Variants in UBXN7 observed in about 807,000 individuals in gnomAD.
The protein encoded by UBXN7 is UBX domain protein 7, also known as UBX domain-containing protein 7.
In UBXN7, 9 loss-of-function variants were observed where a neutral mutation model predicts 58.0. That is an observed-to-expected ratio of 0.16 (90% CI 0.09 to 0.27). UBXN7 has a LOEUF of 0.27. Among genes scored for constraint, UBXN7 ranks in the 10% least tolerant of loss-of-function variants. The pLI is 1.00. For missense variants in UBXN7, 328 were observed against 599.6 expected, an observed-to-expected ratio of 0.55 and a Z score of 4.73; for synonymous variants, 208 against 205.0, an observed-to-expected ratio of 1.01 and a Z score of -0.12.
At chr3:196,387,997 T>G (rs1433196200) in intron 5 of UBXN7, among the ~76,000 whole-genome samples, 2 of 152,102 alleles carry the variant, frequency 1.3e-5, no homozygotes, top group Non-Finnish European at 2.9e-5. Context: ...TGCACACGTA[T>G]GTTTATTGCA....
At chr3:196,372,487 G>A (rs1031573282) in intron 5 of UBXN7, among the ~76,000 whole-genome samples, 7 of 151,706 alleles carry the variant, frequency 4.6e-5, no homozygotes, top group African/African-American at 1.7e-4. Context: ...GATTAAAGGC[G>A]TGCCCCAACA....
At chr3:196,423,812 A>G (rs1730761223) in intron 1 of UBXN7, among the ~76,000 whole-genome samples, 1 of 152,146 alleles carries the variant, frequency 6.6e-6, no homozygotes, top group African/African-American at 2.4e-5. Flanking sequence ...GAAGAGAGCC[A>G]TCTTGAAGCT....
At chr3:196,366,961 T>A (rs546903393) in intron 8 of UBXN7, among the ~76,000 whole-genome samples, 1 of 152,060 alleles carries the variant, frequency 6.6e-6, no homozygotes, top group Non-Finnish European at 1.5e-5. Context: ...GAAGGGCGGA[T>A]CACTTGAAGT....
intron 1 of UBXN7, among the ~76,000 whole-genome samples, chr3:196,427,878 G>A (rs535463174): frequency 3.3e-5 from 5 of 152,302 alleles, no homozygotes; most frequent in Admixed American, 2.6e-4. Context: ...CATAATACCA[G>A]CACTTTGGGA....
At chr3:196,410,831 A>C (rs1277689027) in intron 1 of UBXN7, among the ~76,000 whole-genome samples, 1 of 152,076 alleles carries the variant, frequency 6.6e-6, no homozygotes, top group Non-Finnish European at 1.5e-5. Flanking sequence ...CAAAAAAAAA[A>C]AAAATCCCTT....
At chr3:196,421,351 C>G (rs1730677100) in intron 1 of UBXN7, among the ~76,000 whole-genome samples, 1 of 152,210 alleles carries the variant, frequency 6.6e-6, no homozygotes, top group African/African-American at 2.4e-5. Flanking sequence ...GACCAGCTAT[C>G]TCTTACTAGT....
chr3:196,373,471 T>C (rs1728901269), intron 5 of UBXN7, among the ~76,000 whole-genome samples: 1 of 152,176 alleles, frequency 6.6e-6, no homozygotes, highest in Non-Finnish European at 1.5e-5. Context: ...GAAAGAACAG[T>C]GACACGAAAC....
intron 5 of UBXN7, among the ~76,000 whole-genome samples, chr3:196,372,900 C>T (rs1728884973): frequency 6.6e-6 from 1 of 151,814 alleles, no homozygotes; most frequent in Non-Finnish European, 1.5e-5. Flanking sequence ...TGTGTGCCAC[C>T]ATGCCTGACT....
At chr3:196,363,239 CATACATACATAA>C (rs377520199) in intron 8 of UBXN7, among the ~76,000 whole-genome samples, 7,700 of 134,352 alleles carry the variant, frequency 0.057, 225 homozygotes, top group African/African-American at 0.071. Context: ...TACATACATA[CATACATACATAA>C]ATATATATAT....
chr3:196,410,730 G>A (rs1214619092), intron 1 of UBXN7, among the ~76,000 whole-genome samples: 2 of 151,952 alleles, frequency 1.3e-5, no homozygotes, highest in African/African-American at 4.8e-5. Context: ...GCTGAGGCAG[G>A]AGAATCTCTT....
In UBXN7 at chr3:196,350,720, A is replaced by T. The variant is rs1351991254; in HGVS notation, c.*5965T>A. ...CACAGGTGAGTCAAAAACCATAACC[A>T]TCACTGAAATACCAAATCTCTATGT... On this transcript the variant is annotated 3_prime_UTR_variant, in exon 11 of 11. Coordinates refer to ENST00000296328, the MANE Select transcript of UBXN7 (RefSeq NM_015562.2). 6.6e-6 allele frequency: 1 copy of T among 152,230 alleles called. No individual in the cohort carries two copies. Among genetic ancestry groups the T allele is most frequent in the Non-Finnish European group, 1.5e-5 (1 of 68,040 alleles). 9.4% of individuals were successfully genotyped at this position (152,230 alleles called of 1,614,324 possible). A position where few individuals can be genotyped will look rare whatever the true frequency, so the allele number is the denominator to read the frequency against.
chr3:196,382,766 T>C (rs547610753), intron 5 of UBXN7, among the ~76,000 whole-genome samples: 182 of 152,128 alleles, frequency 1.2e-3, no homozygotes, highest in African/African-American at 3.8e-3. Context: ...AAGACACACA[T>C]AGGCTCAAAA....
intron 5 of UBXN7, among the ~76,000 whole-genome samples, chr3:196,385,025 C>T (rs2108841328): frequency 6.6e-6 from 1 of 152,282 alleles, no homozygotes; most frequent in East Asian, 1.9e-4. Context: ...CTCCCTCTCC[C>T]CTTTGCACGG....
chr3:196,368,258 C>T (rs1728723513), intron 7 of UBXN7, 103 bp from the exon 8 acceptor site: 1 of 1,188,666 alleles, frequency 8.4e-7, no homozygotes, highest in Non-Finnish European at 1.1e-6. Flanking sequence ...CTTCTGAACA[C>T]TCTCATTAAG....
At chr3:196,411,348 C>G (rs892015858) in intron 1 of UBXN7, among the ~76,000 whole-genome samples, 14 of 152,160 alleles carry the variant, frequency 9.2e-5, no homozygotes, top group Non-Finnish European at 1.8e-4. Flanking sequence ...GTCAAAACCA[C>G]TGGCAACCCT....
chr3:196,395,504 T>G (rs1418253859), intron 3 of UBXN7, among the ~76,000 whole-genome samples: 1 of 151,164 alleles, frequency 6.6e-6, no homozygotes, highest in Admixed American at 6.6e-5. Flanking sequence ...AGTGCAGTGG[T>G]GTGATCATGG....
chr3:196,393,509 T>A, intron 4 of UBXN7, 45 bp downstream of exon 4: 1 of 1,549,522 alleles, frequency 6.5e-7, no homozygotes. Flanking sequence ...GTCTTTTTAA[T>A]AGGAAGAGAA....
intron 3 of UBXN7, among the ~76,000 whole-genome samples, chr3:196,395,667 A>C (rs970871213): frequency 2.0e-5 from 3 of 152,078 alleles, no homozygotes; most frequent in African/African-American, 7.2e-5. Context: ...TATATCGCCC[A>C]GGCTAGTTTG....
At chr3:196,381,900 A>G (rs1253435673) in intron 5 of UBXN7, among the ~76,000 whole-genome samples, 2 of 152,230 alleles carry the variant, frequency 1.3e-5, no homozygotes, top group Non-Finnish European at 1.5e-5. Flanking sequence ...GTGATTGAAG[A>G]TCAAATTAAT....
Sources: gnomAD v4.1 joint callset for allele counts (sites outside exome capture counted in the v4.1 genomes callset) on GRCh38, gnomAD v4.1.1 for gene constraint, MANE v1.5 for transcripts, NCBI Gene and HGNC (gene_info 2026-07-23, HGNC 2026-07-21) for gene names.